GPD2: variants seen among roughly 807,000 people sequenced by gnomAD.
GPD2 encodes glycerol-3-phosphate dehydrogenase 2.
A neutral mutation model predicts 82.4 loss-of-function variants in GPD2; 54 were observed. That is an observed-to-expected ratio of 0.66 (90% CI 0.53 to 0.82). GPD2 has a LOEUF of 0.82. Among genes scored for constraint, GPD2 ranks in the 40% least tolerant of loss-of-function variants. The probability of loss-of-function intolerance (pLI) is 0.00; values close to 1 mark genes in which losing one functional copy is unlikely to be tolerated. For missense variants in GPD2, 748 were observed against 896.2 expected (o/e 0.83, Z 2.11); for synonymous variants, 288 against 306.1 (o/e 0.94, Z 0.62).
At position 156,468,386 on chromosome 2, in the gene GPD2, G is replaced by T. The variant is rs367744546; in HGVS notation, c.-8-7712G>T. Among the ~76,000 whole-genome samples the T allele has an allele frequency of 2.0e-5, 3 of 152,198 alleles. No individual in the cohort carries two copies. In the East Asian group the frequency reaches 5.8e-4, roughly 29 times the overall value. On this transcript the variant is annotated intron_variant, in intron 1 of 16. Coordinates refer to ENST00000438166, the MANE Select transcript of GPD2 (RefSeq NM_000408.5). ...TCAATAAGTCACTGGATTTGTATGC[G>T]AGTGTGAGGCCTGGCCCTCTGAGTT...
chr2:156,516,751 A>G (rs944143997), intron 6 of GPD2, among the ~76,000 whole-genome samples: 7 of 152,264 alleles, frequency 4.6e-5, no homozygotes, highest in African/African-American at 2.4e-5. Context: ...AGATAATCAA[A>G]TGAACATTTA....
At chr2:156,567,448 T>C (rs1687433548) in intron 9 of GPD2, among the ~76,000 whole-genome samples, 1 of 152,134 alleles carries the variant, frequency 6.6e-6, no homozygotes, top group Non-Finnish European at 1.5e-5. Flanking sequence ...CTTGAAGTTT[T>C]CAAGACTATA....
At chr2:156,571,030 T>C in intron 12 of GPD2, 104 bp from the exon 13 acceptor site, 1 of 846,804 alleles carries the variant, frequency 1.2e-6, no homozygotes, top group Non-Finnish European at 2.0e-6. Flanking sequence ...TAAAGAAAAA[T>C]ATTACCTTTG....
Position 156,579,025 on chromosome 2 carries a change from ATC to A in GPD2, c.1880+30_1880+31del, listed in dbSNP as rs893639533. On this transcript the variant is annotated intron_variant, in intron 14 of 16. Transcript: ENST00000438166. Reference sequence around the variant, plus strand: ...AGGTACTTATAATAAGTGTCTATCTATCTCTCTTTTTTTTTGGCCTATGTAAG... The same window carrying A: ...AGGTACTTATAATAAGTGTCTATCTATCTCTTTTTTTTTGGCCTATGTAAG... 4.5e-6 allele frequency: 7 copies of A among 1,546,396 alleles called. No homozygotes were observed. The African/African-American group carries it at 6.8e-5, about 15-fold the overall frequency.
chr2:156,534,186 C>T (rs1163480120), intron 6 of GPD2, among the ~76,000 whole-genome samples: 13 of 152,238 alleles, frequency 8.5e-5, no homozygotes, highest in East Asian at 3.9e-4. Flanking sequence ...GTCCTGTGGC[C>T]GATCTCCTCT....
At chr2:156,400,703 A>G in the GPD2 span, among the ~76,000 whole-genome samples, 4 of 152,224 alleles carry the variant, frequency 2.6e-5, no homozygotes, top group African/African-American at 9.6e-5. Context: ...AAAGATCTTA[A>G]TACAGTAATT....
chr2:156,448,119 C>CTT (rs34771172), intron 1 of GPD2, among the ~76,000 whole-genome samples: 65 of 145,988 alleles, frequency 4.5e-4, no homozygotes, highest in Non-Finnish European at 6.8e-4. Flanking sequence ...GCAATTTTCC[C>CTT]TTTTTTTTTT....
At chr2:156,401,589 T>A in the GPD2 span, among the ~76,000 whole-genome samples, 1 of 152,180 alleles carries the variant, frequency 6.6e-6, no homozygotes, top group African/African-American at 2.4e-5. Context: ...TAATGGAGAT[T>A]TGTTAGAAAT....
the GPD2 span, among the ~76,000 whole-genome samples, chr2:156,407,176 C>T: frequency 6.6e-6 from 1 of 152,334 alleles, no homozygotes; most frequent in East Asian, 1.9e-4. Context: ...CGCACCACTG[C>T]ACTCCAGCCT....
rs562725361 is a variant in GPD2 at position 156,526,223 on chromosome 2, T to G, written c.661+12727T>G. On this transcript the variant is annotated intron_variant, in intron 6 of 16. Coordinates refer to ENST00000438166, the MANE Select transcript of GPD2 (RefSeq NM_000408.5). ...CCTTAGCCATCAATAAACCACACTTTCAAATTATTTTTCTTTTTATAAGTG... is the reference window on the plus strand; with the variant it reads ...CCTTAGCCATCAATAAACCACACTTGCAAATTATTTTTCTTTTTATAAGTG... 5.3e-5 allele frequency among the ~76,000 whole-genome samples: 8 copies of G among 152,322 alleles called. 1 individual carries two copies. The South Asian group carries it at 1.4e-3, about 28-fold the overall frequency.
intron 9 of GPD2, among the ~76,000 whole-genome samples, chr2:156,560,636 C>G (rs530547096): frequency 6.6e-6 from 1 of 152,266 alleles, no homozygotes; most frequent in South Asian, 2.1e-4. Context: ...TTCTAATTGA[C>G]TGAAATATTC....
intron 6 of GPD2, among the ~76,000 whole-genome samples, chr2:156,529,170 G>A (rs1450736927): frequency 7.2e-6 from 1 of 138,360 alleles, no homozygotes; most frequent in Non-Finnish European, 1.6e-5. Context: ...GTTTTGATTT[G>A]CATTTCTCTG....
At chr2:156,454,979 G>C (rs1682739051) in intron 1 of GPD2, among the ~76,000 whole-genome samples, 1 of 152,062 alleles carries the variant, frequency 6.6e-6, no homozygotes, top group Non-Finnish European at 1.5e-5. Flanking sequence ...AGCATGAGGT[G>C]CTCTTAGGGC....
chr2:156,566,583 G>A (rs1044384800), intron 9 of GPD2, among the ~76,000 whole-genome samples: 4 of 152,084 alleles, frequency 2.6e-5, no homozygotes, highest in Non-Finnish European at 4.4e-5. Flanking sequence ...ATAGTTCGTT[G>A]TAAGTGTATG....
At chr2:156,554,155 G>T (rs1053115871) in intron 8 of GPD2, among the ~76,000 whole-genome samples, 1 of 152,218 alleles carries the variant, frequency 6.6e-6, no homozygotes, top group South Asian at 2.1e-4. Context: ...TCCCATAGGG[G>T]TGGTTTTCCT....
At chr2:156,550,125 T>G (rs550117841) in intron 7 of GPD2, among the ~76,000 whole-genome samples, 168 of 152,342 alleles carry the variant, frequency 1.1e-3, no homozygotes, top group African/African-American at 3.8e-3. Context: ...ACAGGCATTG[T>G]TACACGTTGT....
At chr2:156,403,736 T>A in the GPD2 span, among the ~76,000 whole-genome samples, 1 of 152,084 alleles carries the variant, frequency 6.6e-6, no homozygotes. Flanking sequence ...TTGTGTTAGG[T>A]TAACTTGCCT....
At chr2:156,565,171 G>T (rs939167863) in intron 9 of GPD2, among the ~76,000 whole-genome samples, 2 of 152,100 alleles carry the variant, frequency 1.3e-5, no homozygotes, top group South Asian at 4.1e-4. Flanking sequence ...TAGTCAGAGA[G>T]CTTCAAGAGT....
the GPD2 span, among the ~76,000 whole-genome samples, chr2:156,407,481 T>C: frequency 2.0e-5 from 3 of 152,352 alleles, no homozygotes; most frequent in South Asian, 6.2e-4. Context: ...GTTCATTTTT[T>C]AAACTGTCTT....
Sources: gnomAD v4.1 joint callset for allele counts (sites outside exome capture counted in the v4.1 genomes callset) on GRCh38, gnomAD v4.1.1 for gene constraint, MANE v1.5 for transcripts, NCBI Gene and HGNC (gene_info 2026-07-23, HGNC 2026-07-21) for gene names.